Variants in DIAPH2 observed in about 807,000 individuals in gnomAD.
DIAPH2 encodes the protein protein diaphanous homolog 2.
A neutral mutation model predicts 92.7 loss-of-function variants in DIAPH2; 35 were observed. That is an observed-to-expected ratio of 0.38 (90% CI 0.29 to 0.50). The LOEUF (loss-of-function observed/expected upper bound fraction) is 0.50. Among genes scored for constraint, DIAPH2 ranks in the 20% least tolerant of loss-of-function variants. The pLI is 0.94. For missense variants in DIAPH2, 701 were observed against 819.5 expected (o/e 0.86, Z 1.77); for synonymous variants, 301 against 280.4 (o/e 1.07, Z -0.73).
In DIAPH2 at chrX:97,046,412, G is replaced by A. The variant is rs7062389; in HGVS notation, c.2051-26529G>A. On this transcript the variant is annotated intron_variant, in intron 17 of 26. Coordinates refer to ENST00000324765, the MANE Select transcript of DIAPH2 (RefSeq NM_006729.5). Reference sequence around the variant, plus strand: ...TTATTTGCTGGTGGCATGATTATGGGTGGGGAGGTGCCATTTGATAGTTTC... The same window carrying A: ...TTATTTGCTGGTGGCATGATTATGGATGGGGAGGTGCCATTTGATAGTTTC... Among the ~76,000 whole-genome samples the A allele has an allele frequency of 9.9e-3, 1,101 of 111,036 alleles. 9 individuals are homozygous for A. Among genetic ancestry groups the A allele is most frequent in the African/African-American group, 0.034 (1,031 of 30,489 alleles).
At chrX:96,994,938 A>G (rs1188599282) in intron 17 of DIAPH2, among the ~76,000 whole-genome samples, 1 of 111,443 alleles carries the variant, frequency 9.0e-6, no homozygotes, top group African/African-American at 3.3e-5. Context: ...GTGAGGATAC[A>G]AAGCCTAACC....
chrX:96,953,322 A>G (rs911335136), intron 15 of DIAPH2, among the ~76,000 whole-genome samples: 1 of 111,646 alleles, frequency 9.0e-6, no homozygotes, highest in African/African-American at 3.3e-5. Flanking sequence ...TACTACAATT[A>G]CTGATGCCTT....
chrX:97,168,334 C>T (rs2067427429), intron 22 of DIAPH2, among the ~76,000 whole-genome samples: 1 of 110,379 alleles, frequency 9.1e-6, no homozygotes, highest in Non-Finnish European at 1.9e-5. Context: ...ATGATCCGCC[C>T]GCCTCAACCT....
chrX:96,884,322 T>C (rs1185670815), intron 5 of DIAPH2: 1 of 1,204,563 alleles, frequency 8.3e-7, no homozygotes, highest in Non-Finnish European at 1.1e-6. Flanking sequence ...TGAGTAAGAG[T>C]GGGTTTGGGA....
Position 96,974,133 on chromosome X carries a change from A to G in DIAPH2, c.2050+8926A>G, listed in dbSNP as rs182379307. Among the ~76,000 whole-genome samples the G allele has an allele frequency of 4.6e-3, 513 of 111,787 alleles. 1 individual carries two copies. The highest frequency in any genetic ancestry group is 6.0e-3 in the South Asian group (16 of 2,648). On this transcript the variant is annotated intron_variant, in intron 17 of 26. Transcript: ENST00000324765. ...GTTTGGAGACAGTCTTGGGCCAATGATCTGCTGTTCATTTAATTTATTAAT... is the reference window on the plus strand; with the variant it reads ...GTTTGGAGACAGTCTTGGGCCAATGGTCTGCTGTTCATTTAATTTATTAAT...
At chrX:97,596,310 C>A (rs1053877216) in intron 26 of DIAPH2, among the ~76,000 whole-genome samples, 4 of 111,906 alleles carry the variant, frequency 3.6e-5, no homozygotes, top group African/African-American at 1.3e-4. Flanking sequence ...ATGTCCCCAA[C>A]AAGCATATAT....
chrX:97,130,955 A>C (rs745346736), intron 21 of DIAPH2, among the ~76,000 whole-genome samples: 1 of 109,995 alleles, frequency 9.1e-6, no homozygotes, highest in South Asian at 4.0e-4. Flanking sequence ...AAAATACAAA[A>C]ATTAGCACGG....
chrX:97,386,622 C>T (rs1459969167), intron 25 of DIAPH2, among the ~76,000 whole-genome samples: 2 of 107,282 alleles, frequency 1.9e-5, no homozygotes, highest in Non-Finnish European at 3.9e-5. Context: ...GAGCCGAGAT[C>T]TCACCACTGC....
At chrX:96,912,228 A>G in intron 5 of DIAPH2, 100 bp from the exon 6 acceptor site, 1 of 676,749 alleles carries the variant, frequency 1.5e-6, no homozygotes, top group Non-Finnish European at 2.2e-6. Flanking sequence ...CAATATTGAG[A>G]CAGAATTATC....
At position 97,351,621 on chromosome X, in the gene DIAPH2, G is replaced by A. The variant is rs1001395231; in HGVS notation, c.3009+3341G>A. The stretch of plus-strand genomic sequence containing the variant: ...ACAAGGTCAAGAGATCGAGACCACG[G>A]TGAAACCCCGTCTCTACTAAAAATA... On this transcript the variant is annotated intron_variant, in intron 24 of 26. Coordinates refer to ENST00000324765, the MANE Select transcript of DIAPH2 (RefSeq NM_006729.5). 2.7e-5 allele frequency among the ~76,000 whole-genome samples: 3 copies of A among 110,517 alleles called. No individual in the cohort carries two copies. The South Asian group carries it at 1.2e-3, about 42-fold the overall frequency.
intron 2 of DIAPH2, among the ~76,000 whole-genome samples, chrX:96,737,817 T>C (rs2064096294): frequency 8.9e-6 from 1 of 111,897 alleles, no homozygotes; most frequent in Admixed American, 9.5e-5. Context: ...AAGCCGATGT[T>C]TTTATCTTTG....
chrX:96,847,639 AAAC>A (rs1028025805), intron 4 of DIAPH2, among the ~76,000 whole-genome samples: 9 of 111,494 alleles, frequency 8.1e-5, no homozygotes, highest in Non-Finnish European at 1.5e-4. Flanking sequence ...TAAAAAAAAA[AAAC>A]AACTCTAGGT....
chrX:97,050,317 A>G (rs193024489), intron 17 of DIAPH2, among the ~76,000 whole-genome samples: 182 of 110,346 alleles, frequency 1.6e-3, no homozygotes, highest in African/African-American at 5.9e-3. Context: ...AGTTTTTTTA[A>G]ATAAGTGCTG....
chrX:96,704,870 T>C (rs2063874861), intron 1 of DIAPH2, among the ~76,000 whole-genome samples: 1 of 110,779 alleles, frequency 9.0e-6, no homozygotes, highest in Admixed American at 9.7e-5. Flanking sequence ...GATTAATAAT[T>C]TGGATTAAAA....
chrX:96,984,274 A>G (rs763674887), intron 17 of DIAPH2, among the ~76,000 whole-genome samples: 56 of 111,706 alleles, frequency 5.0e-4, no homozygotes, highest in Non-Finnish European at 6.0e-4. Flanking sequence ...AGTGAGAACA[A>G]TCAACCTCTG....
At chrX:96,969,112 G>C (rs1419023328) in intron 17 of DIAPH2, among the ~76,000 whole-genome samples, 1 of 112,236 alleles carries the variant, frequency 8.9e-6, no homozygotes, top group Non-Finnish European at 1.9e-5. Context: ...GTACCATGCT[G>C]TTTTGGTTAC....
intron 22 of DIAPH2, 130 bp downstream of exon 22, chrX:97,141,924 A>G: frequency 1.4e-6 from 1 of 733,139 alleles, no homozygotes; most frequent in Middle Eastern, 5.0e-4. Context: ...AAGCAGGAAA[A>G]TAGTTTCCAT....
intron 22 of DIAPH2, among the ~76,000 whole-genome samples, chrX:97,236,690 GC>G (rs2147533641): frequency 9.2e-6 from 1 of 108,795 alleles, no homozygotes; most frequent in South Asian, 4.0e-4. Flanking sequence ...GACTACAGGT[GC>G]CCGCAACCAC....
intron 4 of DIAPH2, among the ~76,000 whole-genome samples, chrX:96,836,138 A>G (rs1257091890): frequency 5.5e-5 from 6 of 109,098 alleles, no homozygotes; most frequent in South Asian, 4.0e-4. Context: ...TTTTTGGAGA[A>G]CAGGTGGTGT....
Sources: allele counts gnomAD v4.1 joint callset (sites outside exome capture counted in the v4.1 genomes callset), GRCh38; gene constraint gnomAD v4.1.1; transcripts MANE v1.5; gene names NCBI Gene and HGNC (gene_info 2026-07-23, HGNC 2026-07-21).